The following POLR1D variants were observed in gnomAD, a reference collection of about 807,000 sequenced individuals.
POLR1D encodes the protein DNA-directed RNA polymerases I and III subunit RPAC2.
Under a neutral mutation model 10.8 loss-of-function variants are expected in POLR1D, and 8 were observed. The observed-to-expected ratio is 0.74, with a 90% CI of 0.43 to 1.33. The LOEUF (loss-of-function observed/expected upper bound fraction) is 1.33. Ranked by LOEUF, POLR1D falls within the 40% of genes most tolerant of loss-of-function variation. The pLI is 0.01. For synonymous variants in POLR1D, 54 were observed against 57.2 expected (o/e 0.94, Z 0.25); for missense variants, 152 against 161.7 (o/e 0.94, Z 0.32).
exon 3 of POLR1D, chr13:27,666,560 C>T (rs546297734): frequency 6.6e-6 from 1 of 152,274 alleles, no homozygotes; most frequent in South Asian, 2.1e-4. Context: ...GTTTCCTGTG[C>T]ATTCTCAAAC....
chr13:27,648,322 G>C, intron 1 of POLR1D: 1 of 1,148,574 alleles, frequency 8.7e-7, no homozygotes, highest in Non-Finnish European at 1.3e-6. Context: ...GGAATGAATT[G>C]ATTTTCAGAA....
In POLR1D at chr13:27,664,994, A is replaced by G. The variant is rs1956401268; in HGVS notation, c.102-692A>G. Reference sequence around the variant, plus strand: ...ATAGTATATAAGTAGATCTAAGCACATTAATTAGCAATTTGATTGGTTGCA... The same window carrying G: ...ATAGTATATAAGTAGATCTAAGCACGTTAATTAGCAATTTGATTGGTTGCA... On this transcript the variant is annotated intron_variant, in intron 2 of 2. Coordinates refer to the POLR1D transcript ENST00000399697. 1.3e-5 allele frequency: 2 copies of G among 152,586 alleles called. 1 individual carries two copies. The highest frequency in any genetic ancestry group is 4.1e-4 in the South Asian group (2 of 4,854). 9.5% of individuals were successfully genotyped at this position (152,586 alleles called of 1,614,324 possible).
At position 27,635,795 on chromosome 13, in the gene POLR1D, T is replaced by C. The variant is rs529050316; in HGVS notation, c.27-12584T>C. Among the ~76,000 whole-genome samples, 58 of 151,364 alleles carry C rather than the reference T, an allele frequency of 3.8e-4. No homozygotes were observed. The South Asian group carries it at 0.012, about 32-fold the overall frequency. ...GAATTCTGAAAGGATAGTAGAAATA[T>C]CTTCATTTTAATCGCATAGCTTTGT... On this transcript the variant is annotated intron_variant, in intron 1 of 2. Transcript: ENST00000399697.
At chr13:27,662,161 A>G (rs1341942497) in intron 2 of POLR1D, among the ~76,000 whole-genome samples, 2 of 151,864 alleles carry the variant, frequency 1.3e-5, no homozygotes, top group African/African-American at 4.8e-5. Flanking sequence ...AGGCTTTGGG[A>G]TATCTTGAGT....
intron 2 of POLR1D, chr13:27,664,949 A>T (rs1397522804): frequency 6.6e-6 from 1 of 152,208 alleles, no homozygotes; most frequent in Admixed American, 6.5e-5. Context: ...AGATTTATTA[A>T]CACCTGAAAA....
intron 2 of POLR1D, among the ~76,000 whole-genome samples, chr13:27,651,827 G>A (rs1463238986): frequency 1.3e-5 from 2 of 152,162 alleles, no homozygotes; most frequent in East Asian, 3.8e-4. Flanking sequence ...AGGAATTATT[G>A]TCTTATAGAC....
At chr13:27,642,402 A>T (rs145632133) in intron 1 of POLR1D, among the ~76,000 whole-genome samples, 6 of 152,192 alleles carry the variant, frequency 3.9e-5, no homozygotes, top group Non-Finnish European at 2.9e-5. Context: ...TGGCCACTAC[A>T]GGGGATTGCT....
intron 1 of POLR1D, among the ~76,000 whole-genome samples, chr13:27,643,576 C>T (rs1956194884): frequency 6.6e-6 from 1 of 152,082 alleles, no homozygotes; most frequent in Non-Finnish European, 1.5e-5. Flanking sequence ...CAGTGGTTTG[C>T]AGATGTTCAG....
At chr13:27,630,284 CT>C (rs1304234785) in intron 1 of POLR1D, among the ~76,000 whole-genome samples, 2 of 152,160 alleles carry the variant, frequency 1.3e-5, no homozygotes, top group Non-Finnish European at 2.9e-5. Context: ...TACCTTGGTG[CT>C]TTTCTAAGTT....
chr13:27,640,248 T>C (rs1956162096), intron 1 of POLR1D, among the ~76,000 whole-genome samples: 1 of 152,162 alleles, frequency 6.6e-6, no homozygotes, highest in African/African-American at 2.4e-5. Flanking sequence ...CACAAATATA[T>C]AGATGCCTCT....
In POLR1D at chr13:27,635,976, A is replaced by G. The variant is rs1956121770; in HGVS notation, c.27-12403A>G. Reference sequence around the variant, plus strand: ...GGAAGAACTGCATAATTTGTCTTCTAAAAGCACTGAGAGGTGTTTTAGGGA... The same window carrying G: ...GGAAGAACTGCATAATTTGTCTTCTGAAAGCACTGAGAGGTGTTTTAGGGA... On this transcript the variant is annotated intron_variant, in intron 1 of 2. Coordinates refer to the POLR1D transcript ENST00000399697. Among the ~76,000 whole-genome samples the G allele has an allele frequency of 2.0e-5, 3 of 152,122 alleles. 1 individual carries two copies. In the South Asian group the frequency reaches 6.2e-4, roughly 31 times the overall value.
chr13:27,665,970 A>G, exon 3 of POLR1D: 4 of 1,612,964 alleles, frequency 2.5e-6, no homozygotes, highest in Non-Finnish European at 3.4e-6. Context: ...AACCAGGGCC[A>G]GCCAGCCCTG....
At chr13:27,652,886 T>G (rs1956278306) in intron 2 of POLR1D, among the ~76,000 whole-genome samples, 2 of 147,256 alleles carry the variant, frequency 1.4e-5, no homozygotes, top group Non-Finnish European at 3.0e-5. Flanking sequence ...AAAAGAAAAC[T>G]TGCCAGAAGT....
chr13:27,646,877 GCTTTA>G (rs1354727872), intron 1 of POLR1D, among the ~76,000 whole-genome samples: 29 of 152,068 alleles, frequency 1.9e-4, no homozygotes, highest in African/African-American at 6.5e-4. Flanking sequence ...CTATGTGCAT[GCTTTA>G]CTTTGATAAA....
At chr13:27,622,259 C>A in intron 1 of POLR1D, 1 of 585,998 alleles carries the variant, frequency 1.7e-6, no homozygotes, top group South Asian at 2.0e-5. Context: ...GTTACAACAG[C>A]AGTGTGTAAA....
intron 2 of POLR1D, among the ~76,000 whole-genome samples, chr13:27,659,599 CT>C (rs2138570893): frequency 6.6e-6 from 1 of 152,302 alleles, no homozygotes; most frequent in Non-Finnish European, 1.5e-5. Context: ...AATGCCAATG[CT>C]TACTGCCCCT....
chr13:27,621,045 G>C (rs747756670), upstream of POLR1D: 1 of 153,270 alleles, frequency 6.5e-6, no homozygotes, highest in Non-Finnish European at 1.5e-5. Flanking sequence ...GCACCTGAGG[G>C]AGCACAGCGA....
chr13:27,635,141 A>G (rs987660769), intron 1 of POLR1D, among the ~76,000 whole-genome samples: 1 of 152,214 alleles, frequency 6.6e-6, no homozygotes, highest in African/African-American at 2.4e-5. Context: ...AATCTTAAAC[A>G]TGAAAAGAAT....
chr13:27,639,088 C>T (rs2138543199), intron 1 of POLR1D, among the ~76,000 whole-genome samples: 1 of 152,252 alleles, frequency 6.6e-6, no homozygotes, highest in African/African-American at 2.4e-5. Flanking sequence ...CAAGCAGCTG[C>T]CATATTAGCT....
Sources: allele counts gnomAD v4.1 joint callset (sites outside exome capture counted in the v4.1 genomes callset), GRCh38; gene constraint gnomAD v4.1.1; transcripts MANE v1.5; gene names NCBI Gene and HGNC (gene_info 2026-07-23, HGNC 2026-07-21).